Variants in MLLT10 observed in about 807,000 individuals in gnomAD.
MLLT10 encodes protein AF-10.
MLLT10 carries 30 observed loss-of-function variants against 129.1 expected under a neutral mutation model. The ratio of observed to expected loss-of-function variants is 0.23; its 90% CI spans 0.17 to 0.32. MLLT10 has a LOEUF of 0.32. MLLT10 is among the 10% of genes least tolerant of loss of function. The pLI, the probability that MLLT10 is intolerant of heterozygous loss-of-function variation, is 1.00. For synonymous variants in MLLT10, 490 were observed against 446.4 expected (o/e 1.10, Z -1.23); for missense variants, 1,119 against 1,268.3 (o/e 0.88, Z 1.79).
intron 8 of MLLT10, among the ~76,000 whole-genome samples, chr10:21,642,656 C>CAAA (rs374427646): frequency 1.1e-4 from 11 of 99,698 alleles, no homozygotes; most frequent in African/African-American, 1.3e-4. Flanking sequence ...GACTCTGTCT[C>CAAA]AAAAAAAAAA....
chr10:21,741,699 A>T (rs1833666031), intron 22 of MLLT10, among the ~76,000 whole-genome samples: 2 of 152,220 alleles, frequency 1.3e-5, no homozygotes, highest in Non-Finnish European at 2.9e-5. Context: ...ATTCTTTACA[A>T]GTTCTGTCCC....
intron 3 of MLLT10, chr10:21,564,594 C>T (rs2039304229): frequency 6.6e-6 from 1 of 151,798 alleles, no homozygotes; most frequent in Non-Finnish European, 1.5e-5. Context: ...CTTTATATGT[C>T]CTCTGTTCAT....
chr10:21,659,569 G>A (rs2049962135), intron 9 of MLLT10, among the ~76,000 whole-genome samples: 6 of 150,526 alleles, frequency 4.0e-5, no homozygotes, highest in Admixed American at 4.0e-4. Context: ...GGAGTGCAGT[G>A]GTGTGATCTC....
intron 7 of MLLT10, among the ~76,000 whole-genome samples, chr10:21,616,773 C>A (rs1390456334): frequency 6.6e-6 from 1 of 151,986 alleles, no homozygotes; most frequent in African/African-American, 2.4e-5. Context: ...CTAGTCTTGG[C>A]ACCCTTTTTT....
chr10:21,737,405 G>T (rs2058461636), intron 21 of MLLT10, among the ~76,000 whole-genome samples: 1 of 152,180 alleles, frequency 6.6e-6, no homozygotes, highest in Non-Finnish European at 1.5e-5. Flanking sequence ...CATTTTGAAT[G>T]TGACAGCGTG....
intron 13 of MLLT10, among the ~76,000 whole-genome samples, chr10:21,710,007 G>T (rs1008861984): frequency 6.6e-6 from 1 of 152,204 alleles, no homozygotes; most frequent in Non-Finnish European, 1.5e-5. Flanking sequence ...CTCCCAAAGT[G>T]CTGGGATTAC....
At chr10:21,653,331 A>G (rs1349375808) in intron 9 of MLLT10, among the ~76,000 whole-genome samples, 1 of 152,040 alleles carries the variant, frequency 6.6e-6, no homozygotes, top group Non-Finnish European at 1.5e-5. Flanking sequence ...GTTCCTTGTG[A>G]TTGGTTGTAG....
At position 21,614,875 on chromosome 10, in the gene MLLT10, C is replaced by T. The variant is rs2045072673; in HGVS notation, c.554C>T (p.Ala185Val). The T allele has an allele frequency of 6.2e-7, 1 of 1,612,742 alleles. No homozygotes were observed. The highest frequency in any genetic ancestry group is 8.5e-7 in the Non-Finnish European group (1 of 1,179,660). The change falls in exon 7 of 23, where the codon GCC (alanine) becomes GTC (valine). Residue 185 changes from alanine (A) to valine (V), a missense_variant. Around this residue, in one of 5 missense-constraint regions of MLLT10, gnomAD observed 44 missense variants for 114.3 expected, o/e 0.38. Coordinates refer to ENST00000307729, the MANE Select transcript of MLLT10 (RefSeq NM_001195626.3). The stretch of plus-strand genomic sequence containing the variant: ...CTTTGTGAAGAAGAAGGTAATGGTG[C>T]CGATAATGTCCAATACTGTGGCTAC... ...GLLCEEEGNG[A>V]DNVQYCGYCK...
At chr10:21,601,489 C>G (rs1229293558) in intron 5 of MLLT10, among the ~76,000 whole-genome samples, 1 of 152,196 alleles carries the variant, frequency 6.6e-6, no homozygotes, top group Non-Finnish European at 1.5e-5. Context: ...TGTAATCTCA[C>G]TCACCAACAT....
intron 21 of MLLT10, 98 bp from the exon 22 acceptor site, chr10:21,739,932 A>G: frequency 2.2e-6 from 2 of 918,116 alleles, no homozygotes; most frequent in African/African-American, 1.7e-5. Flanking sequence ...TTCTTTGCAA[A>G]TATCTAATAT....
chr10:21,704,382 T>A (rs1204242575), intron 13 of MLLT10, among the ~76,000 whole-genome samples: 6 of 135,850 alleles, frequency 4.4e-5, no homozygotes, highest in Middle Eastern at 7.6e-3. Flanking sequence ...TATATATATA[T>A]AATTATTACT....
At chr10:21,619,069 CTT>C (rs1241168260) in intron 8 of MLLT10, among the ~76,000 whole-genome samples, 9 of 146,758 alleles carry the variant, frequency 6.1e-5, no homozygotes, top group Admixed American at 1.4e-4. Flanking sequence ...CACACACACA[CTT>C]TTTTTAGATC....
At chr10:21,543,856 A>G (rs78708800) in intron 3 of MLLT10, among the ~76,000 whole-genome samples, 7,780 of 152,268 alleles carry the variant, frequency 0.051, 304 homozygotes, top group Non-Finnish European at 0.078. Flanking sequence ...TTATAAGGAC[A>G]CAGGAGTCAA....
chr10:21,627,200 T>G (rs1164078567), intron 8 of MLLT10, among the ~76,000 whole-genome samples: 1 of 152,210 alleles, frequency 6.6e-6, no homozygotes, highest in African/African-American at 2.4e-5. Flanking sequence ...TTGCTATCTC[T>G]CTCACTCTCT....
intron 13 of MLLT10, among the ~76,000 whole-genome samples, chr10:21,696,309 T>C (rs2054355580): frequency 6.6e-6 from 1 of 152,150 alleles, no homozygotes; most frequent in South Asian, 2.1e-4. Flanking sequence ...TTTTAGGTAA[T>C]ATTTTTTTTC....
intron 21 of MLLT10, 42 bp from the exon 22 acceptor site, chr10:21,739,988 G>A (rs756390629): frequency 1.3e-5 from 19 of 1,493,374 alleles, no homozygotes; most frequent in South Asian, 3.7e-5. Context: ...GCTGAATTCC[G>A]TGCTTGGGAA....
intron 16 of MLLT10, among the ~76,000 whole-genome samples, chr10:21,729,684 G>T (rs1273559233): frequency 1.3e-5 from 2 of 152,162 alleles, no homozygotes; most frequent in African/African-American, 4.8e-5. Context: ...ACTCCGTCCT[G>T]TTTCCTCATT....
intron 3 of MLLT10, among the ~76,000 whole-genome samples, chr10:21,541,572 G>A (rs542014062): frequency 6.6e-6 from 1 of 152,208 alleles, no homozygotes; most frequent in Admixed American, 6.5e-5. Context: ...TTTTAGTAGA[G>A]ATGGGGTTTC....
intron 3 of MLLT10, among the ~76,000 whole-genome samples, chr10:21,572,479 C>G (rs2040315156): frequency 6.6e-6 from 1 of 152,186 alleles, no homozygotes; most frequent in Non-Finnish European, 1.5e-5. Context: ...TTGAGGAGAA[C>G]TGACATCTTA....
Sources: allele counts gnomAD v4.1 joint callset (sites outside exome capture counted in the v4.1 genomes callset), GRCh38; gene constraint gnomAD v4.1.1; regional missense constraint gnomAD v4.1.1; transcripts MANE v1.5; gene names NCBI Gene and HGNC (gene_info 2026-07-23, HGNC 2026-07-21).